The following TNIK variants were observed in gnomAD, a reference collection of about 807,000 sequenced individuals.
TNIK encodes the protein TRAF2 and NCK interacting kinase, also known as TRAF2 and NCK-interacting protein kinase.
Under a neutral mutation model 191.3 loss-of-function variants are expected in TNIK, and 49 were observed. The observed-to-expected ratio is 0.26, with a 90% CI of 0.20 to 0.32. TNIK has a LOEUF of 0.32. Among genes scored for constraint, TNIK ranks in the 10% least tolerant of loss-of-function variants. The pLI, the probability that TNIK is intolerant of heterozygous loss-of-function variation, is 1.00. For synonymous variants in TNIK, 594 were observed against 600.9 expected, an observed-to-expected ratio of 0.99 and a Z score of 0.17; for missense variants, 1,155 against 1,702.3, an observed-to-expected ratio of 0.68 and a Z score of 5.66.
chr3:171,067,585 G>A (rs888729924), intron 30 of TNIK, among the ~76,000 whole-genome samples: 3 of 151,500 alleles, frequency 2.0e-5, no homozygotes, highest in Non-Finnish European at 2.9e-5. Flanking sequence ...CAGGAGAATG[G>A]TGTGAACCCA....
chr3:171,410,585 C>T (rs1441457251), intron 1 of TNIK, among the ~76,000 whole-genome samples: 1 of 152,026 alleles, frequency 6.6e-6, no homozygotes, highest in African/African-American at 2.4e-5. Flanking sequence ...CGAGACCATC[C>T]TGGCTAACAC....
At chr3:171,099,036 C>T (rs1318546434) in intron 22 of TNIK, among the ~76,000 whole-genome samples, 2 of 152,014 alleles carry the variant, frequency 1.3e-5, no homozygotes, top group African/African-American at 4.8e-5. Context: ...CCTTAAGAAC[C>T]ATGTCAAGTC....
chr3:171,074,830 A>G (rs2173610), intron 28 of TNIK, among the ~76,000 whole-genome samples: 1 of 152,202 alleles, frequency 6.6e-6, no homozygotes, highest in Non-Finnish European at 1.5e-5. Flanking sequence ...GGAAACTACA[A>G]GTGGTTCTTT....
intron 22 of TNIK, among the ~76,000 whole-genome samples, chr3:171,094,320 T>C (rs1013938027): frequency 2.0e-5 from 3 of 152,092 alleles, no homozygotes; most frequent in Non-Finnish European, 4.4e-5. Context: ...GTATTTTTAG[T>C]AGAGACGGGG....
chr3:171,251,559 A>G (rs1327770932), intron 2 of TNIK, among the ~76,000 whole-genome samples: 1 of 152,186 alleles, frequency 6.6e-6, no homozygotes, highest in South Asian at 2.1e-4. Context: ...CCTTATTAGG[A>G]CATTTTTCAT....
In TNIK at chr3:171,459,996, G is replaced by T. The variant is rs757602746; in HGVS notation, c.57+11C>A. On this transcript the variant is annotated intron_variant, in intron 1 of 32. Coordinates refer to ENST00000436636, the MANE Select transcript of TNIK (RefSeq NM_015028.4). ...AACCACTGGAAAGAAACCAGAAAAC[G>T]TCCTGCTCACCCTCAGAGCCGAGAG... The T allele has an allele frequency of 1.9e-6, 3 of 1,584,668 alleles. No homozygotes were observed. Among genetic ancestry groups the T allele is most frequent in the Non-Finnish European group, 2.6e-6 (3 of 1,162,986 alleles).
chr3:171,163,667 A>T (rs968613567), intron 10 of TNIK, among the ~76,000 whole-genome samples: 3 of 152,236 alleles, frequency 2.0e-5, no homozygotes, highest in African/African-American at 7.2e-5. Context: ...AAATGAATAA[A>T]CAGATTTCAA....
chr3:171,175,075 A>C (rs1390557404), intron 9 of TNIK, among the ~76,000 whole-genome samples, 177 bp downstream of exon 9: 4 of 152,242 alleles, frequency 2.6e-5, no homozygotes, highest in African/African-American at 9.6e-5. Context: ...CTGTACAAAC[A>C]GTAGATACTC....
intron 23 of TNIK, among the ~76,000 whole-genome samples, chr3:171,090,374 C>CT (rs1299624713): frequency 6.6e-6 from 1 of 151,888 alleles, no homozygotes; most frequent in African/African-American, 2.4e-5. Flanking sequence ...TTTCTGATAC[C>CT]TACCCTCTCC....
At chr3:171,309,095 C>T (rs1249096561) in intron 2 of TNIK, among the ~76,000 whole-genome samples, 2 of 152,070 alleles carry the variant, frequency 1.3e-5, no homozygotes, top group African/African-American at 2.4e-5. Flanking sequence ...AAGACACATG[C>T]ACATGTTATG....
chr3:171,197,139 G>A (rs1323160987), intron 4 of TNIK, among the ~76,000 whole-genome samples: 1 of 152,132 alleles, frequency 6.6e-6, no homozygotes. Flanking sequence ...AAATACTTAT[G>A]GATAAAATTA....
chr3:171,285,815 GAAC>G (rs1372670756), intron 2 of TNIK, among the ~76,000 whole-genome samples: 1 of 152,210 alleles, frequency 6.6e-6, no homozygotes, highest in East Asian at 1.9e-4. Flanking sequence ...TCTCGCCACA[GAAC>G]AACTGGATCA....
At chr3:171,158,202 G>T (rs1733489426) in intron 11 of TNIK, among the ~76,000 whole-genome samples, 2 of 152,194 alleles carry the variant, frequency 1.3e-5, no homozygotes, top group South Asian at 4.1e-4. Context: ...TCAACACAGA[G>T]CCAGGATCTG....
intron 2 of TNIK, among the ~76,000 whole-genome samples, chr3:171,295,630 A>G (rs1752206968): frequency 6.6e-6 from 1 of 152,246 alleles, no homozygotes; most frequent in Admixed American, 6.5e-5. Context: ...GCCAGTGTTC[A>G]TGTTAATTGA....
intron 1 of TNIK, among the ~76,000 whole-genome samples, chr3:171,449,362 C>G (rs1324007223): frequency 6.6e-6 from 1 of 152,204 alleles, no homozygotes; most frequent in African/African-American, 2.4e-5. Flanking sequence ...AATTTACACT[C>G]CCAACAGTGT....
chr3:171,287,402 C>G (rs1438793220), intron 2 of TNIK, among the ~76,000 whole-genome samples: 1 of 152,182 alleles, frequency 6.6e-6, no homozygotes, highest in African/African-American at 2.4e-5. Context: ...AATGCAAACT[C>G]TAGAATAAGA....
chr3:171,407,787 G>T (rs1721894080), intron 1 of TNIK, among the ~76,000 whole-genome samples: 1 of 152,176 alleles, frequency 6.6e-6, no homozygotes, highest in African/African-American at 2.4e-5. Context: ...ACACACACAA[G>T]AATCTCAGAG....
intron 30 of TNIK, among the ~76,000 whole-genome samples, chr3:171,066,938 G>A (rs554815714): frequency 2.0e-5 from 3 of 152,102 alleles, no homozygotes; most frequent in Non-Finnish European, 4.4e-5. Context: ...CAATTTACCT[G>A]TTCCTAAAAA....
chr3:171,409,822 T>C (rs915283834), intron 1 of TNIK, among the ~76,000 whole-genome samples: 1 of 150,028 alleles, frequency 6.7e-6, no homozygotes, highest in Non-Finnish European at 1.5e-5. Context: ...TCTGTCTCTC[T>C]CCATCTTTAG....
Sources: allele counts gnomAD v4.1 joint callset (sites outside exome capture counted in the v4.1 genomes callset), GRCh38; gene constraint gnomAD v4.1.1; transcripts MANE v1.5; gene names NCBI Gene and HGNC (gene_info 2026-07-23, HGNC 2026-07-21).